DIP2C: variants seen among roughly 807,000 people sequenced by gnomAD.
DIP2C encodes the protein DIP2 acetate--CoA ligase C (putative).
DIP2C carries 33 observed loss-of-function variants against 192.4 expected under a neutral mutation model. The ratio of observed to expected loss-of-function variants is 0.17; its 90% CI spans 0.13 to 0.23. The LOEUF is 0.23. Among genes scored for constraint, DIP2C ranks in the 10% least tolerant of loss-of-function variants. The pLI, the probability that DIP2C is intolerant of heterozygous loss-of-function variation, is 1.00. For synonymous variants in DIP2C, 979 were observed against 864.1 expected, an observed-to-expected ratio of 1.13 and a Z score of -2.33; for missense variants, 1,537 against 2,110.1, an observed-to-expected ratio of 0.73 and a Z score of 5.32.
intron 2 of DIP2C, among the ~76,000 whole-genome samples, chr10:476,224 G>A (rs182401192): frequency 9.9e-5 from 15 of 152,270 alleles, no homozygotes; most frequent in Admixed American, 7.2e-4. Flanking sequence ...GAAAACGGCC[G>A]AGATGGAGAT....
At chr10:482,738 A>G (rs1319548884) in intron 2 of DIP2C, among the ~76,000 whole-genome samples, 4 of 152,322 alleles carry the variant, frequency 2.6e-5, no homozygotes, top group African/African-American at 9.6e-5. Flanking sequence ...CCTGTGTCAT[A>G]CAAGCAGTGA....
intron 36 of DIP2C, among the ~76,000 whole-genome samples, chr10:279,281 C>T (rs1003693408): frequency 2.6e-5 from 4 of 152,124 alleles, no homozygotes; most frequent in African/African-American, 9.7e-5. Context: ...TCTGTCATAT[C>T]ACAGATATAG....
chr10:616,446 A>G lies in DIP2C; in HGVS notation c.85+73048T>C, dbSNP rs752133255. 7.9e-5 allele frequency among the ~76,000 whole-genome samples: 12 copies of G among 152,232 alleles called. No individual in the cohort carries two copies. In the South Asian group the frequency reaches 1.9e-3, roughly 24 times the overall value. On this transcript the variant is annotated intron_variant, in intron 1 of 36. Transcript: ENST00000280886. ...ATTTTCTTATTTTAGGAATTTTTAA[A>G]TCCATGGTCTGCATTTCCCAAGCCT...
At chr10:683,434 G>T (rs904172426) in intron 1 of DIP2C, among the ~76,000 whole-genome samples, 4 of 152,176 alleles carry the variant, frequency 2.6e-5, no homozygotes, top group Non-Finnish European at 5.9e-5. Flanking sequence ...CATAAACCCT[G>T]CATGGCACAC....
rs146250123 is a variant in DIP2C, at chr10:512,862, C to T, written c.86-26332G>A. Among the ~76,000 whole-genome samples, 1,137 of 141,072 alleles carry T rather than the reference C, an allele frequency of 8.1e-3. 14 individuals are homozygous for T. The highest frequency in any genetic ancestry group is 0.029 in the African/African-American group (1,077 of 37,062). 92.5% of individuals were successfully genotyped at this position (141,072 alleles called of 152,430 possible). A position where few individuals can be genotyped will look rare whatever the true frequency, so the allele number is the denominator to read the frequency against. ...CTGGGAGGTGGAAGTTGCAGTGAGC[C>T]GAGATTGCGCCACTGTACTCCACTC... On this transcript the variant is annotated intron_variant, in intron 1 of 36. Coordinates refer to ENST00000280886, the MANE Select transcript of DIP2C (RefSeq NM_014974.3).
At chr10:506,814 G>C (rs1321266714) in intron 1 of DIP2C, among the ~76,000 whole-genome samples, 2 of 152,240 alleles carry the variant, frequency 1.3e-5, no homozygotes, top group Non-Finnish European at 2.9e-5. Flanking sequence ...GCCCCTCACT[G>C]AAGTGGGTCC....
chr10:463,356 T>C (rs905284434), intron 3 of DIP2C, among the ~76,000 whole-genome samples: 4 of 152,192 alleles, frequency 2.6e-5, no homozygotes, highest in East Asian at 3.9e-4. Context: ...ACCCCAATAA[T>C]AGACCAACAG....
chr10:665,500 T>A (rs745926119), intron 1 of DIP2C: 1 of 152,182 alleles, frequency 6.6e-6, no homozygotes, highest in Non-Finnish European at 1.5e-5. Flanking sequence ...TAAGAAACAC[T>A]AAATAAATTC....
At chr10:593,139 G>A (rs1564242795) in intron 1 of DIP2C, among the ~76,000 whole-genome samples, 1 of 152,030 alleles carries the variant, frequency 6.6e-6, no homozygotes, top group Non-Finnish European at 1.5e-5. Context: ...CACCTTTGAG[G>A]GCACTGGTCT....
chr10:662,805 T>C, intron 1 of DIP2C: 1 of 715,186 alleles, frequency 1.4e-6, no homozygotes, highest in East Asian at 2.7e-5. Context: ...ACCAAAACTG[T>C]GGCAGGCCTG....
intron 4 of DIP2C, among the ~76,000 whole-genome samples, chr10:440,307 A>AC (rs1967626245): frequency 6.6e-6 from 1 of 152,220 alleles, no homozygotes; most frequent in Non-Finnish European, 1.5e-5. Context: ...ACACAGCCAT[A>AC]CCCACTTGCT....
chr10:380,094 C>T (rs556019036), intron 17 of DIP2C, among the ~76,000 whole-genome samples: 1 of 150,756 alleles, frequency 6.6e-6, no homozygotes, highest in African/African-American at 2.5e-5. Flanking sequence ...GGTTAAAGCG[C>T]AGAAGAGGCT....
chr10:425,904 T>C (rs1395178620), intron 4 of DIP2C, among the ~76,000 whole-genome samples: 1 of 152,210 alleles, frequency 6.6e-6, no homozygotes. Context: ...CCATGGCTAA[T>C]AGTGTATTTA....
chr10:666,569 G>A lies in DIP2C; in HGVS notation c.85+22925C>T, dbSNP rs972233724. The A allele has an allele frequency of 1.3e-5, 2 of 151,038 alleles. No homozygotes were observed. The highest frequency in any genetic ancestry group is 5.0e-5 in the African/African-American group (2 of 40,332). The allele number at this position is 151,038 out of a possible 1,614,324, so 9.4% of individuals were successfully genotyped here. On this transcript the variant is annotated intron_variant, in intron 1 of 36. Coordinates refer to ENST00000280886, the MANE Select transcript of DIP2C (RefSeq NM_014974.3). The surrounding 1 kb of genome is among the most constrained non-coding windows in gnomAD (Gnocchi z 4.1). ...TGCACACAGGTAACATAGAACTGGGGGTAAGCAAAGCCACGAGGTCGGCCC... is the reference window on the plus strand; with the variant it reads ...TGCACACAGGTAACATAGAACTGGGAGTAAGCAAAGCCACGAGGTCGGCCC...
At chr10:497,486 G>C (rs1024270353) in intron 1 of DIP2C, among the ~76,000 whole-genome samples, 2 of 152,170 alleles carry the variant, frequency 1.3e-5, no homozygotes, top group Non-Finnish European at 2.9e-5. Context: ...TCAGCAATGG[G>C]GCAGCTCTGG....
chr10:539,452 CAT>C (rs1392720320), intron 1 of DIP2C, among the ~76,000 whole-genome samples: 3 of 152,318 alleles, frequency 2.0e-5, no homozygotes, highest in East Asian at 1.9e-4. Flanking sequence ...GGAGGATGTG[CAT>C]ATGTCATATG....
At chr10:507,458 TGA>T (rs1845689974) in intron 1 of DIP2C, among the ~76,000 whole-genome samples, 1 of 151,070 alleles carries the variant, frequency 6.6e-6, no homozygotes, top group South Asian at 2.1e-4. Context: ...CACAGAGGCG[TGA>T]GGTTACGGAC....
chr10:494,005 G>C (rs1027617352), intron 1 of DIP2C, among the ~76,000 whole-genome samples: 2 of 152,174 alleles, frequency 1.3e-5, no homozygotes, highest in African/African-American at 4.8e-5. Flanking sequence ...AGGGGGAGGA[G>C]GACAACTGGA....
intron 4 of DIP2C, among the ~76,000 whole-genome samples, chr10:437,106 T>C (rs1351860313): frequency 8.3e-6 from 1 of 120,172 alleles, no homozygotes; most frequent in Admixed American, 8.6e-5. Context: ...CTCCTGGACA[T>C]GGTAGGGTGA....
Sources: gnomAD v4.1 joint callset for allele counts (sites outside exome capture counted in the v4.1 genomes callset) on GRCh38, gnomAD v4.1.1 for gene constraint, Gnocchi (gnomAD v3.1) non-coding constraint, MANE v1.5 for transcripts, NCBI Gene and HGNC (gene_info 2026-07-23, HGNC 2026-07-21) for gene names.